The following CBLB variants were observed in gnomAD, a reference collection of about 807,000 sequenced individuals.
CBLB encodes the protein Cbl proto-oncogene B.
A neutral mutation model predicts 104.9 loss-of-function variants in CBLB; 31 were observed. The ratio of observed to expected loss-of-function variants is 0.30; its 90% CI spans 0.22 to 0.40. The LOEUF (loss-of-function observed/expected upper bound fraction) is 0.40. Ranked by LOEUF, CBLB falls within the 10% of genes least tolerant of loss-of-function variation. The probability of loss-of-function intolerance (pLI) is 1.00; values close to 1 mark genes in which losing one functional copy is unlikely to be tolerated. For synonymous variants in CBLB, 440 were observed against 422.6 expected, an observed-to-expected ratio of 1.04 and a Z score of -0.51; for missense variants, 1,062 against 1,214.6, an observed-to-expected ratio of 0.87 and a Z score of 1.87.
intron 4 of CBLB, among the ~76,000 whole-genome samples, chr3:105,774,551 T>G (rs528768597): frequency 5.3e-4 from 80 of 152,192 alleles, no homozygotes; most frequent in African/African-American, 1.9e-3. Flanking sequence ...CAGACAAAAG[T>G]GAAAAGACTT....
intron 3 of CBLB, among the ~76,000 whole-genome samples, chr3:105,821,056 A>T (rs2085771098): frequency 6.6e-6 from 1 of 152,200 alleles, no homozygotes; most frequent in Non-Finnish European, 1.5e-5. Flanking sequence ...CCCAACACTT[A>T]CATTTTTTAT....
intron 3 of CBLB, among the ~76,000 whole-genome samples, chr3:105,831,707 C>T (rs1311966861): frequency 6.6e-6 from 1 of 152,158 alleles, no homozygotes; most frequent in Non-Finnish European, 1.5e-5. Context: ...AAAGACCCAT[C>T]TAAGGAGGTG....
chr3:105,829,878 T>C (rs919659384), intron 3 of CBLB, among the ~76,000 whole-genome samples: 2 of 152,128 alleles, frequency 1.3e-5, no homozygotes, highest in African/African-American at 4.8e-5. Context: ...AAATCATCTA[T>C]TACATATATT....
intron 3 of CBLB, among the ~76,000 whole-genome samples, chr3:105,783,381 A>T (rs1245563437): frequency 6.6e-6 from 1 of 152,138 alleles, no homozygotes; most frequent in Non-Finnish European, 1.5e-5. Context: ...TTCTTTTTCC[A>T]TATAACTATC....
chr3:105,753,954 A>G (rs1490943853), intron 4 of CBLB, among the ~76,000 whole-genome samples: 2 of 152,196 alleles, frequency 1.3e-5, no homozygotes, highest in African/African-American at 4.8e-5. Flanking sequence ...AAACTTTGTC[A>G]GATTACTTGT....
intron 3 of CBLB, among the ~76,000 whole-genome samples, chr3:105,799,006 G>C (rs967581740): frequency 6.6e-5 from 10 of 152,198 alleles, no homozygotes; most frequent in African/African-American, 2.2e-4. Context: ...CTGATTAAAA[G>C]TTAAGATGAG....
rs959262268 is a variant in CBLB, at chr3:105,678,323, T to A, written c.2569+108A>T. The A allele has an allele frequency of 4.5e-6, 5 of 1,107,904 alleles. No homozygotes were observed. The African/African-American group carries it at 6.2e-5, about 14-fold the overall frequency. The allele number at this position is 1,107,904 out of a possible 1,614,324, so 68.6% of individuals were successfully genotyped here. A position where few individuals can be genotyped will look rare whatever the true frequency, so the allele number is the denominator to read the frequency against. On this transcript the variant is annotated intron_variant, in intron 17 of 18. Transcript: ENST00000394030. ...TTTTACCACCCAGGGATTTTTCTGT[T>A]CTGCTAGGGAGGTAGAGACTAATGA...
chr3:105,675,735 A>C (rs2065548362), intron 17 of CBLB, among the ~76,000 whole-genome samples: 1 of 151,974 alleles, frequency 6.6e-6, no homozygotes, highest in African/African-American at 2.4e-5. Context: ...AATATAAAAA[A>C]TTAGCCGAGT....
At chr3:105,729,891 A>G (rs1017494592) in intron 9 of CBLB, among the ~76,000 whole-genome samples, 6 of 152,118 alleles carry the variant, frequency 3.9e-5, no homozygotes, top group African/African-American at 1.2e-4. Flanking sequence ...CTGTTCATGC[A>G]ATAATACAAA....
chr3:105,833,128 A>G (rs577115250), intron 3 of CBLB, among the ~76,000 whole-genome samples: 1 of 152,336 alleles, frequency 6.6e-6, no homozygotes, highest in East Asian at 1.9e-4. Flanking sequence ...AGAAAGGTAG[A>G]TGATGAAGAA....
intron 12 of CBLB, 97 bp downstream of exon 12, chr3:105,701,997 G>T: frequency 2.2e-6 from 3 of 1,352,224 alleles, no homozygotes; most frequent in Admixed American, 1.7e-5. Context: ...GAAGTGCCAT[G>T]CTAGGCAAAA....
At chr3:105,713,737 G>A (rs553727725) in intron 10 of CBLB, among the ~76,000 whole-genome samples, 3 of 152,288 alleles carry the variant, frequency 2.0e-5, no homozygotes, top group African/African-American at 7.2e-5. Context: ...GCAAGTAAAC[G>A]ATGAACAACA....
chr3:105,824,819 A>G (rs2086356199), intron 3 of CBLB, among the ~76,000 whole-genome samples: 1 of 152,060 alleles, frequency 6.6e-6, no homozygotes, highest in South Asian at 2.1e-4. Context: ...CACTCCAGCC[A>G]CTGAGAAGGA....
At chr3:105,761,219 G>C (rs1169682118) in intron 4 of CBLB, among the ~76,000 whole-genome samples, 2 of 152,146 alleles carry the variant, frequency 1.3e-5, no homozygotes, top group Non-Finnish European at 2.9e-5. Context: ...TTTTTGTAGA[G>C]ACAGAGTTAT....
intron 4 of CBLB, among the ~76,000 whole-genome samples, chr3:105,758,444 C>T (rs2077276920): frequency 6.6e-6 from 1 of 152,166 alleles, no homozygotes; most frequent in Non-Finnish European, 1.5e-5. Context: ...ACTACTGTCG[C>T]TTATTGTTTG....
At chr3:105,851,362 T>C (rs752506093) in intron 3 of CBLB, among the ~76,000 whole-genome samples, 55 of 150,778 alleles carry the variant, frequency 3.6e-4, no homozygotes, top group Non-Finnish European at 6.5e-4. Flanking sequence ...AGATCAGCGG[T>C]TGCCATGGGT....
At chr3:105,790,416 TG>T (rs1319204647) in intron 3 of CBLB, among the ~76,000 whole-genome samples, 2 of 152,248 alleles carry the variant, frequency 1.3e-5, no homozygotes, top group African/African-American at 2.4e-5. Context: ...CAGTTTTCCC[TG>T]TTTTCAGATT....
chr3:105,752,277 A>T (rs1277664886), intron 4 of CBLB, among the ~76,000 whole-genome samples: 1 of 152,204 alleles, frequency 6.6e-6, no homozygotes, highest in Non-Finnish European at 1.5e-5. Flanking sequence ...CAAAATTTTA[A>T]CATGTTATGC....
At chr3:105,852,241 T>C (rs918420160) in intron 3 of CBLB, among the ~76,000 whole-genome samples, 1 of 152,008 alleles carries the variant, frequency 6.6e-6, no homozygotes, top group Non-Finnish European at 1.5e-5. Flanking sequence ...TGCAAATTGT[T>C]AGGTGAAAGA....
Sources: gnomAD v4.1 joint callset for allele counts (sites outside exome capture counted in the v4.1 genomes callset) on GRCh38, gnomAD v4.1.1 for gene constraint, MANE v1.5 for transcripts, NCBI Gene and HGNC (gene_info 2026-07-23, HGNC 2026-07-21) for gene names.